Variants in G2E3 observed in about 807,000 individuals in gnomAD.
G2E3 encodes the protein G2/M phase-specific E3 ubiquitin-protein ligase.
Under a neutral mutation model 92.8 loss-of-function variants are expected in G2E3, and 35 were observed. The ratio of observed to expected loss-of-function variants is 0.38; its 90% CI spans 0.29 to 0.50. The LOEUF (loss-of-function observed/expected upper bound fraction) is 0.50, where lower values mean the gene tolerates loss of function less well. Ranked by LOEUF, G2E3 falls within the 20% of genes least tolerant of loss-of-function variation. G2E3 has a pLI of 0.94. For missense variants in G2E3, 554 were observed against 823.8 expected (o/e 0.67, Z 4.01); for synonymous variants, 242 against 272.4 (o/e 0.89, Z 1.10).
chr14:30,584,022 T>G (rs1175557492), intron 2 of G2E3, among the ~76,000 whole-genome samples: 1 of 152,198 alleles, frequency 6.6e-6, no homozygotes, highest in African/African-American at 2.4e-5. Context: ...CACCCCTCAT[T>G]TTCCGTGTCC....
rs1376246235 is a variant in G2E3, at chr14:30,616,014, C to T, written c.1865-264C>T. Among the ~76,000 whole-genome samples the T allele has an allele frequency of 3.9e-5, 6 of 152,024 alleles. No individual in the cohort carries two copies. The East Asian group carries it at 7.7e-4, about 20-fold the overall frequency. On this transcript the variant is annotated intron_variant, in intron 14 of 14. Transcript: ENST00000206595. ...TTTAGCTAGATTTTTGGTTTTTTAC[C>T]GTTTAGTCTTTCTGTCTGTATTTGT...
Position 30,619,359 on chromosome 14 carries a change from T to C in G2E3, c.*2825T>C, listed in dbSNP as rs921991685. 1 of 152,128 alleles carries C rather than the reference T, an allele frequency of 6.6e-6. No homozygotes were observed. Among genetic ancestry groups the C allele is most frequent in the African/African-American group, 2.4e-5 (1 of 41,460 alleles). The allele number at this position is 152,128 out of a possible 1,614,324, so 9.4% of individuals were successfully genotyped here. ...TCAAGGGGAGTATATTAGGTAAGTT[T>C]TTTCAGTGACTGTGCCTTTAGCATT... is the stretch of plus-strand genomic sequence containing the variant. On this transcript the variant is annotated 3_prime_UTR_variant, in exon 15 of 15. Coordinates refer to ENST00000206595, the MANE Select transcript of G2E3 (RefSeq NM_017769.5).
intron 1 of G2E3, among the ~76,000 whole-genome samples, chr14:30,573,353 C>T (rs1168633997): frequency 5.3e-5 from 8 of 151,658 alleles, no homozygotes; most frequent in African/African-American, 1.7e-4. Flanking sequence ...CTATCTATCC[C>T]GAGGTAACAT....
intron 1 of G2E3, among the ~76,000 whole-genome samples, chr14:30,565,649 CCTTTTTTTTTTT>C (rs1411198308): frequency 9.3e-6 from 1 of 107,302 alleles, no homozygotes; most frequent in African/African-American, 4.0e-5. Context: ...CAACTTCATT[CCTTTTTTTTTTT>C]TTTTTTTTTT....
At chr14:30,561,128 A>G (rs1713040011) in intron 1 of G2E3, among the ~76,000 whole-genome samples, 1 of 152,236 alleles carries the variant, frequency 6.6e-6, no homozygotes, top group African/African-American at 2.4e-5. Flanking sequence ...AATGATACAT[A>G]AGTCTCCAAT....
chr14:30,603,417 G>A (rs1014043944), intron 10 of G2E3, among the ~76,000 whole-genome samples: 1 of 152,020 alleles, frequency 6.6e-6, no homozygotes, highest in South Asian at 2.1e-4. Flanking sequence ...ATAATGTTGG[G>A]TATTTGTTCA....
intron 4 of G2E3, among the ~76,000 whole-genome samples, chr14:30,591,761 A>G (rs943164675): frequency 1.3e-5 from 2 of 152,158 alleles, no homozygotes; most frequent in African/African-American, 4.8e-5. Context: ...TAACTTAATT[A>G]CATCTGCAAA....
chr14:30,611,333 A>G (rs1342893787), intron 12 of G2E3: 1 of 151,860 alleles, frequency 6.6e-6, no homozygotes, highest in African/African-American at 2.4e-5. Context: ...GTCATGAAAA[A>G]CTTAGGAGAT....
chr14:30,586,850 G>A (rs757659988), intron 3 of G2E3, 35 bp downstream of exon 3: 2 of 728,780 alleles, frequency 2.7e-6, no homozygotes, highest in South Asian at 5.4e-5. Context: ...CTAGAAATTT[G>A]GTGTTCTAAA....
intron 9 of G2E3, 42 bp downstream of exon 9, chr14:30,601,936 T>G: frequency 6.2e-7 from 1 of 1,602,890 alleles, no homozygotes; most frequent in Non-Finnish European, 8.5e-7. Context: ...TATTCAAATG[T>G]ATATGATTTA....
At chr14:30,613,304 T>C (rs565100923) in intron 13 of G2E3, among the ~76,000 whole-genome samples, 1 of 152,334 alleles carries the variant, frequency 6.6e-6, no homozygotes, top group African/African-American at 2.4e-5. Flanking sequence ...ATCTCAAACC[T>C]GATAAATTCA....
At chr14:30,582,914 A>G (rs1261807666) in intron 2 of G2E3, among the ~76,000 whole-genome samples, 1 of 152,192 alleles carries the variant, frequency 6.6e-6, no homozygotes, top group Non-Finnish European at 1.5e-5. Flanking sequence ...TGAGCAGCCT[A>G]TTAACAAATA....
chr14:30,586,647 G>A (rs1331060724), intron 2 of G2E3, 71 bp from the exon 3 acceptor site: 5 of 534,532 alleles, frequency 9.4e-6, no homozygotes, highest in Non-Finnish European at 1.6e-5. Context: ...ATTTAGAGAA[G>A]CACCAATTCC....
rs770769074 is a variant in G2E3, at chr14:30,605,455, A to T, written c.1011-50A>T. On this transcript the variant is annotated intron_variant, in intron 10 of 14. Transcript: ENST00000206595. ...ATTGGCTATATAACTGCTGTTTCAC[A>T]TAAAGTACTTTAAAGTACTTATCTC... 4 of 691,310 alleles carry T rather than the reference A, an allele frequency of 5.8e-6. No individual in the cohort carries two copies. The East Asian group carries it at 1.1e-4, about 19-fold the overall frequency. The allele number at this position is 691,310 out of a possible 1,614,324, so 42.8% of individuals were successfully genotyped here.
chr14:30,607,914 G>T lies in G2E3; in HGVS notation c.1345G>T (p.Ala449Ser). 1 of 1,605,430 alleles carries T rather than the reference G, an allele frequency of 6.2e-7. No homozygotes were observed. ...QALKENLYYE[A>S]GKMLAISLVH... Reference sequence around the variant, plus strand: ...TCTGAAAGAGAATCTTTACTATGAAGCTGGCAAAATGCTTGCCATTTCTTT... The same window carrying T: ...TCTGAAAGAGAATCTTTACTATGAATCTGGCAAAATGCTTGCCATTTCTTT... Residue 449 changes from alanine (A) to serine (S), a missense_variant, in exon 12 of 15, where the codon GCT becomes TCT. This residue lies in a region of G2E3 where 397 missense variants were observed against 560.3 expected (regional missense o/e 0.71). Coordinates refer to ENST00000206595, the MANE Select transcript of G2E3 (RefSeq NM_017769.5).
At chr14:30,608,631 A>T (rs1881942019) in intron 12 of G2E3, among the ~76,000 whole-genome samples, 1 of 152,210 alleles carries the variant, frequency 6.6e-6, no homozygotes, top group African/African-American at 2.4e-5. Context: ...TTATAATGGG[A>T]CCTGTACTAA....
intron 4 of G2E3, chr14:30,590,657 T>G (rs1276245094): frequency 8.8e-6 from 4 of 455,420 alleles, no homozygotes; most frequent in African/African-American, 8.0e-5. Context: ...TTTGAAGATA[T>G]CAAGAAGGTA....
rs562243519 is a variant in G2E3 at position 30,618,156 on chromosome 14, T to G, written c.*1622T>G. ...TTGTTCCCTCATGTCTTTTTCAATC[T>G]GTACACTAACATACCTAGCAAATTT... On this transcript the variant is annotated 3_prime_UTR_variant, in exon 15 of 15. Transcript: ENST00000206595. 6.6e-6 allele frequency: 1 copy of G among 152,232 alleles called. No individual in the cohort carries two copies. Among genetic ancestry groups the G allele is most frequent in the African/African-American group, 2.4e-5 (1 of 41,566 alleles). The allele number at this position is 152,232 out of a possible 1,614,324, so 9.4% of individuals were successfully genotyped here. A position where few individuals can be genotyped will look rare whatever the true frequency, so the allele number is the denominator to read the frequency against.
chr14:30,601,377 A>G (rs1881558980), intron 8 of G2E3, among the ~76,000 whole-genome samples: 1 of 152,204 alleles, frequency 6.6e-6, no homozygotes, highest in South Asian at 2.1e-4. Flanking sequence ...TTTAGGAAAT[A>G]TTCCTCACCT....
Sources: allele counts gnomAD v4.1 joint callset (sites outside exome capture counted in the v4.1 genomes callset), GRCh38; gene constraint gnomAD v4.1.1; regional missense constraint gnomAD v4.1.1; transcripts MANE v1.5; gene names NCBI Gene and HGNC (gene_info 2026-07-23, HGNC 2026-07-21).